DNAH11: variants seen among roughly 807,000 people sequenced by gnomAD.
DNAH11 encodes dynein axonemal heavy chain 11, also known as axonemal beta dynein heavy chain 11.
A neutral mutation model predicts 526.0 loss-of-function variants in DNAH11; 442 were observed. The ratio of observed to expected loss-of-function variants is 0.84; its 90% confidence interval spans 0.78 to 0.91. The LOEUF is 0.91. Ranked by LOEUF, DNAH11 falls within the 40% of genes least tolerant of loss-of-function variation. The pLI is 0.00. For synonymous variants in DNAH11, 2,461 were observed against 1,935.9 expected (o/e 1.27, Z -7.12); for missense variants, 6,989 against 5,448.7 (o/e 1.28, Z -8.90).
intron 28 of DNAH11, among the ~76,000 whole-genome samples, chr7:21,642,884 A>G (rs922629383): frequency 6.6e-6 from 1 of 152,192 alleles, no homozygotes; most frequent in African/African-American, 2.4e-5. Flanking sequence ...TGACAGAGTG[A>G]TAAAATTGGT....
In DNAH11 at chr7:21,686,961, C is replaced by T. The variant is rs972818408; in HGVS notation, c.5622-138C>T. ...TATTCTGATTCATTATTGCCATGAACAAATCAGAAGTATATCAGTATTTTA... is the reference window on the plus strand; with the variant it reads ...TATTCTGATTCATTATTGCCATGAATAAATCAGAAGTATATCAGTATTTTA... On this transcript the variant is annotated intron_variant, in intron 32 of 81. Transcript: ENST00000409508. The T allele has an allele frequency of 5.7e-6, 4 of 695,666 alleles. No individual in the cohort carries two copies. In the African/African-American group the frequency reaches 7.3e-5, roughly 13 times the overall value. The allele number at this position is 695,666 out of a possible 1,614,324, so 43.1% of individuals were successfully genotyped here.
chr7:21,894,031 G>C (rs558780733), intron 77 of DNAH11, among the ~76,000 whole-genome samples: 1 of 152,174 alleles, frequency 6.6e-6, no homozygotes, highest in South Asian at 2.1e-4. Context: ...TGGGATTACA[G>C]ACATGCTCCA....
intron 54 of DNAH11, among the ~76,000 whole-genome samples, chr7:21,753,828 C>T (rs1786514715): frequency 6.6e-6 from 1 of 152,138 alleles, no homozygotes; most frequent in South Asian, 2.1e-4. Context: ...ATCATTTTGT[C>T]AAATTCTAAA....
chr7:21,725,174 C>G (rs1785049628), intron 44 of DNAH11, among the ~76,000 whole-genome samples: 1 of 152,190 alleles, frequency 6.6e-6, no homozygotes, highest in Non-Finnish European at 1.5e-5. Flanking sequence ...AAGTTGATCC[C>G]TATGCAGTTT....
intron 21 of DNAH11, 142 bp from the exon 22 acceptor site, chr7:21,616,067 T>C: frequency 1.6e-6 from 1 of 637,860 alleles, no homozygotes; most frequent in Non-Finnish European, 2.7e-6. Flanking sequence ...TAGGGAAGTT[T>C]TGACAAGTGC....
chr7:21,888,329 T>C (rs967228611), intron 76 of DNAH11, among the ~76,000 whole-genome samples: 3 of 152,072 alleles, frequency 2.0e-5, no homozygotes, highest in Non-Finnish European at 4.4e-5. Context: ...CAACACTACT[T>C]GGAGAGGCAG....
chr7:21,835,519 A>G (rs1198880530), intron 65 of DNAH11, among the ~76,000 whole-genome samples: 1 of 152,188 alleles, frequency 6.6e-6, no homozygotes, highest in Admixed American at 6.5e-5. Context: ...AAAACATACA[A>G]TTATTTCAAT....
intron 43 of DNAH11, 131 bp from the exon 44 acceptor site, chr7:21,720,594 C>G: frequency 1.9e-6 from 2 of 1,055,524 alleles, no homozygotes; most frequent in Non-Finnish European, 2.6e-6. Context: ...TTTTGTCTCT[C>G]CCAATGTAGC....
At chr7:21,763,352 A>AAAAAAAAAAAAAGAAAAG (rs1787012273) in intron 54 of DNAH11, among the ~76,000 whole-genome samples, 1 of 112,328 alleles carries the variant, frequency 8.9e-6, no homozygotes, top group Non-Finnish European at 1.9e-5. Flanking sequence ...AAAAAAAAAA[A>AAAAAAAAAAAAAGAAAAG]AAAAGAAAAA....
At position 21,891,134 on chromosome 7, in the gene DNAH11, C is replaced by A. The variant is rs184711017; in HGVS notation, c.12508-1291C>A. Among the ~76,000 whole-genome samples the A allele has an allele frequency of 5.9e-5, 9 of 152,228 alleles. No homozygotes were observed. In the East Asian group the frequency reaches 1.5e-3, roughly 26 times the overall value. On this transcript the variant is annotated intron_variant, in intron 76 of 81. Transcript: ENST00000409508. The stretch of plus-strand genomic sequence containing the variant: ...ACTCTGAGTTCCTTAATAACGAGGT[C>A]ATATGGAGCTTATACTTCTAAGGTT...
At chr7:21,721,276 T>G (rs939880516) in intron 44 of DNAH11, among the ~76,000 whole-genome samples, 2 of 152,216 alleles carry the variant, frequency 1.3e-5, no homozygotes, top group African/African-American at 4.8e-5. Flanking sequence ...GTGGAAGACA[T>G]CACTCTTCCT....
chr7:21,718,043 A>C, intron 43 of DNAH11, 118 bp downstream of exon 43: 1 of 1,412,376 alleles, frequency 7.1e-7, no homozygotes, highest in South Asian at 1.5e-5. Flanking sequence ...GAATTGTTAG[A>C]TTGCTGCAAC....
At chr7:21,612,639 C>T (rs565453715) in intron 20 of DNAH11, among the ~76,000 whole-genome samples, 1 of 151,016 alleles carries the variant, frequency 6.6e-6, no homozygotes, top group East Asian at 2.0e-4. Context: ...AAACGGATCT[C>T]ATTCACATGA....
chr7:21,620,711 C>T (rs1220419865), intron 25 of DNAH11, among the ~76,000 whole-genome samples: 8 of 104,406 alleles, frequency 7.7e-5, no homozygotes, highest in African/African-American at 3.0e-4. Flanking sequence ...CTATCCCTCC[C>T]CCCTCCCCCC....
At chr7:21,633,454 A>G (rs570177072) in intron 25 of DNAH11, among the ~76,000 whole-genome samples, 5 of 152,272 alleles carry the variant, frequency 3.3e-5, no homozygotes, top group African/African-American at 1.2e-4. Context: ...CATACTTCAG[A>G]CCTGTTAATA....
intron 14 of DNAH11, among the ~76,000 whole-genome samples, chr7:21,592,337 G>A (rs531289749): frequency 2.0e-5 from 3 of 152,186 alleles, no homozygotes; most frequent in Non-Finnish European, 2.9e-5. Flanking sequence ...AACTGACAGG[G>A]AACAAAGCAT....
intron 6 of DNAH11, among the ~76,000 whole-genome samples, chr7:21,567,185 C>T (rs1167201472): frequency 1.3e-5 from 2 of 152,036 alleles, no homozygotes; most frequent in Admixed American, 6.6e-5. Context: ...GGAGCATTGC[C>T]ATCTTTAAAA....
intron 28 of DNAH11, among the ~76,000 whole-genome samples, chr7:21,654,318 A>G (rs1781918095): frequency 6.6e-6 from 1 of 152,178 alleles, no homozygotes; most frequent in South Asian, 2.1e-4. Flanking sequence ...TTTCATATAA[A>G]TGGGATAATA....
intron 35 of DNAH11, among the ~76,000 whole-genome samples, chr7:21,694,013 C>T (rs1054146312): frequency 4.6e-5 from 7 of 152,096 alleles, no homozygotes. Context: ...AACTCACTCA[C>T]CATCATGAAA....
Sources: gnomAD v4.1 joint callset for allele counts (sites outside exome capture counted in the v4.1 genomes callset) on GRCh38, gnomAD v4.1.1 for gene constraint, MANE v1.5 for transcripts, NCBI Gene and HGNC (gene_info 2026-07-23, HGNC 2026-07-21) for gene names.